Variants in CLNS1A observed in about 807,000 individuals in gnomAD.
The protein encoded by CLNS1A is chloride nucleotide-sensitive channel 1A.
CLNS1A carries 16 observed loss-of-function variants against 29.4 expected under a neutral mutation model. The observed-to-expected ratio is 0.54, with a 90% CI of 0.37 to 0.83. The LOEUF is 0.83. Ranked by LOEUF, CLNS1A falls within the 40% of genes least tolerant of loss-of-function variation. CLNS1A has a pLI of 0.00. For synonymous variants in CLNS1A, 96 were observed against 104.8 expected (o/e 0.92, Z 0.51); for missense variants, 235 against 287.4 (o/e 0.82, Z 1.32).
Position 77,625,776 on chromosome 11 carries a change from C to T in CLNS1A, c.305G>A (p.Ser102Asn), listed in dbSNP as rs1398360344. Residue 102 changes from serine (S) to asparagine (N), a missense_variant, in exon 3 of 7, where the codon AGT (serine) becomes AAT (asparagine). By Grantham distance (46) the Ser-to-Asn change is conservative. Transcript: ENST00000525428. ...EPVADEEEED[S>N]DDDVEPITEF... Reference sequence around the variant, plus strand: ...AGTAATAGGTTCAACATCATCATCACTGTCTTCCTCTTCTTCATCAGCAAC... The same window carrying T: ...AGTAATAGGTTCAACATCATCATCATTGTCTTCCTCTTCTTCATCAGCAAC... 1 of 1,605,778 alleles carries T rather than the reference C, an allele frequency of 6.2e-7. No individual in the cohort carries two copies. The highest frequency in any genetic ancestry group is 2.2e-5 in the East Asian group (1 of 44,844).
chr11:77,621,294 AACACACACACACAC>A (rs71854653), intron 5 of CLNS1A, among the ~76,000 whole-genome samples: 2 of 149,538 alleles, frequency 1.3e-5, no homozygotes, highest in South Asian at 4.3e-4. Context: ...CTCTGTCTCA[AACACACACACACAC>A]ACACACACAC....
chr11:77,624,949 T>C lies in CLNS1A; in HGVS notation c.472+14A>G. ...AACAAACAAAAAACCCACTTTAAAA[T>C]CCATTTCACTAACCATGTGCTTCCA... On this transcript the variant is annotated intron_variant, in intron 4 of 6. Transcript: ENST00000525428. The C allele has an allele frequency of 6.4e-7, 1 of 1,552,924 alleles. No individual in the cohort carries two copies. Among genetic ancestry groups the C allele is most frequent in the African/African-American group, 1.4e-5 (1 of 73,518 alleles).
chr11:77,615,268 G>A lies in CLNS1A; in HGVS notation c.*1450C>T, dbSNP rs1272980686. ...TAGAATTATGGGTGTTGCTCAGATG[G>A]GTAGCAGAGAAACTGGGGAAGCTCT... On this transcript the variant is annotated 3_prime_UTR_variant, in exon 7 of 7. Coordinates refer to ENST00000525428, the MANE Select transcript of CLNS1A (RefSeq NM_001293.3). 1 of 152,158 alleles carries A rather than the reference G, an allele frequency of 6.6e-6. No homozygotes were observed. Among genetic ancestry groups the A allele is most frequent in the Non-Finnish European group, 1.5e-5 (1 of 68,028 alleles). 9.4% of individuals were successfully genotyped at this position (152,158 alleles called of 1,614,324 possible). A position where few individuals can be genotyped will look rare whatever the true frequency, so the allele number is the denominator to read the frequency against.
intron 5 of CLNS1A, among the ~76,000 whole-genome samples, chr11:77,620,954 C>T (rs1450359570): frequency 6.6e-6 from 1 of 152,010 alleles, no homozygotes; most frequent in East Asian, 1.9e-4. Context: ...TGCACTCCAG[C>T]CTGGGCAACA....
In CLNS1A at chr11:77,616,034, A is replaced by T. The variant is rs1958903127; in HGVS notation, c.*684T>A. On this transcript the variant is annotated 3_prime_UTR_variant, in exon 7 of 7. Coordinates refer to ENST00000525428, the MANE Select transcript of CLNS1A (RefSeq NM_001293.3). ...ATAACTATATTTTCTTATTAATTTC[A>T]TGTTCATCTTCTCAACAAGTAAACA... The T allele has an allele frequency of 6.6e-6, 1 of 152,204 alleles. No individual in the cohort carries two copies. Among genetic ancestry groups the T allele is most frequent in the Non-Finnish European group, 1.5e-5 (1 of 68,038 alleles). The allele number at this position is 152,204 out of a possible 1,614,324, so 9.4% of individuals were successfully genotyped here.
chr11:77,629,736 C>A lies in CLNS1A; in HGVS notation c.262+27G>T, dbSNP rs1959056124. On this transcript the variant is annotated intron_variant, in intron 2 of 6. Transcript: ENST00000525428. ...AAATATAATTTGCTATCAAAGGAGG[C>A]ATTAGATTAAATTACACCATACATA... 2.5e-6 allele frequency: 4 copies of A among 1,602,236 alleles called. No homozygotes were observed. In the South Asian group the frequency reaches 4.4e-5, roughly 18 times the overall value.
In CLNS1A at chr11:77,625,827, T is replaced by C. The variant is rs764753721; in HGVS notation, c.263-9A>G. ...AGGTTCTTTTGATTCTTCTAGAAAA[T>C]AAAATACCCTTTTAATGTCATTATT... On this transcript the variant is annotated splice_polypyrimidine_tract_variant and intron_variant, in intron 2 of 6. Transcript: ENST00000525428. 3.9e-6 allele frequency: 6 copies of C among 1,541,526 alleles called. No homozygotes were observed. Among genetic ancestry groups the C allele is most frequent in the Non-Finnish European group, 5.4e-6 (6 of 1,118,280 alleles).
intron 3 of CLNS1A, 86 bp downstream of exon 3, chr11:77,625,631 G>A (rs1167620969): frequency 1.4e-5 from 10 of 737,282 alleles, no homozygotes; most frequent in Non-Finnish European, 2.0e-5. Flanking sequence ...AAGGTGAGAG[G>A]TGTGTGTGTG....
At chr11:77,619,135 C>T (rs1958932295) in intron 6 of CLNS1A, among the ~76,000 whole-genome samples, 1 of 152,110 alleles carries the variant, frequency 6.6e-6, no homozygotes, top group African/African-American at 2.4e-5. Flanking sequence ...AGTTGAAATA[C>T]TTAGGCTGGC....
chr11:77,620,041 A>G (rs978726332), intron 5 of CLNS1A, among the ~76,000 whole-genome samples: 2 of 152,084 alleles, frequency 1.3e-5, no homozygotes, highest in Non-Finnish European at 2.9e-5. Flanking sequence ...CACAAAGTGA[A>G]AAGACAAAAA....
At chr11:77,637,561 A>C (rs370166489) in intron 1 of CLNS1A, 29 bp downstream of exon 1, 5 of 1,581,524 alleles carry the variant, frequency 3.2e-6, no homozygotes, top group African/African-American at 2.7e-5. Flanking sequence ...GGCGCGCAGG[A>C]GGCCAGCGCT....
chr11:77,636,240 G>A (rs963714552), intron 1 of CLNS1A, among the ~76,000 whole-genome samples: 1 of 151,896 alleles, frequency 6.6e-6, no homozygotes, highest in Non-Finnish European at 1.5e-5. Flanking sequence ...GCTAATTTTT[G>A]TATTTTTTGT....
intron 2 of CLNS1A, among the ~76,000 whole-genome samples, chr11:77,627,331 C>G (rs1462306385): frequency 6.7e-6 from 1 of 150,082 alleles, no homozygotes; most frequent in African/African-American, 2.4e-5. Flanking sequence ...CCCAGCTACT[C>G]GGGAGGCTGA....
At chr11:77,637,287 G>GA (rs1959139627) in intron 1 of CLNS1A, among the ~76,000 whole-genome samples, 2 of 56,298 alleles carry the variant, frequency 3.6e-5, no homozygotes, top group Non-Finnish European at 7.0e-5. Flanking sequence ...AGAAAGAAAA[G>GA]AAGAAGAAAG....
At chr11:77,634,940 C>A (rs1404163934) in intron 1 of CLNS1A, among the ~76,000 whole-genome samples, 1 of 151,976 alleles carries the variant, frequency 6.6e-6, no homozygotes, top group Non-Finnish European at 1.5e-5. Flanking sequence ...CCACTACAGG[C>A]ACGTGCAACC....
intron 1 of CLNS1A, among the ~76,000 whole-genome samples, chr11:77,637,380 G>T (rs1590807350): frequency 6.7e-6 from 1 of 148,276 alleles, no homozygotes; most frequent in Non-Finnish European, 1.5e-5. Context: ...GGGAAATTCC[G>T]GCCGGAGAAA....
chr11:77,621,125 C>T lies in CLNS1A; in HGVS notation c.646+1375G>A, dbSNP rs538419813. ...CAGCCTGGCCAACATGGTGAAACCC[C>T]GTCTCTACAAAAATACAAAAATTAG... On this transcript the variant is annotated intron_variant, in intron 5 of 6. Coordinates refer to ENST00000525428, the MANE Select transcript of CLNS1A (RefSeq NM_001293.3). 9.9e-5 allele frequency among the ~76,000 whole-genome samples: 15 copies of T among 152,106 alleles called. No homozygotes were observed. In the South Asian group the frequency reaches 2.9e-3, roughly 29 times the overall value.
chr11:77,629,964 T>A, intron 1 of CLNS1A, 65 bp from the exon 2 acceptor site: 1 of 1,500,906 alleles, frequency 6.7e-7, no homozygotes, highest in Non-Finnish European at 9.2e-7. Flanking sequence ...CCACAAAGTA[T>A]ATAAAAGTTC....
intron 1 of CLNS1A, among the ~76,000 whole-genome samples, chr11:77,634,489 G>GCCA (rs1431776492): frequency 6.6e-6 from 1 of 152,124 alleles, no homozygotes; most frequent in Non-Finnish European, 1.5e-5. Context: ...ACTTTGGGAG[G>GCCA]CCAAGGTGGG....
Sources: gnomAD v4.1 joint callset for allele counts (sites outside exome capture counted in the v4.1 genomes callset) on GRCh38, gnomAD v4.1.1 for gene constraint, MANE v1.5 for transcripts, NCBI Gene and HGNC (gene_info 2026-07-23, HGNC 2026-07-21) for gene names.